Variants in CLCA1 observed in about 807,000 individuals in gnomAD.
CLCA1 encodes the protein chloride channel accessory 1.
Under a neutral mutation model 85.6 loss-of-function variants are expected in CLCA1, and 59 were observed. The ratio of observed to expected loss-of-function variants is 0.69; its 90% CI spans 0.56 to 0.86. The LOEUF is 0.86. CLCA1 is among the 40% of genes least tolerant of loss of function. CLCA1 has a pLI of 0.00. For synonymous variants in CLCA1, 396 were observed against 398.3 expected (o/e 0.99, Z 0.07); for missense variants, 1,022 against 1,101.4 (o/e 0.93, Z 1.02).
chr1:86,493,295 T>TG (rs1279998689), intron 9 of CLCA1, 89 bp from the exon 10 acceptor site: 2 of 970,130 alleles, frequency 2.1e-6, no homozygotes, highest in Non-Finnish European at 3.2e-6. Context: ...GTCTTTTTAA[T>TG]GGCGCACTGG....
Position 86,482,299 on chromosome 1 carries a change from C to G in CLCA1, c.652C>G (p.Leu218Val). 1.9e-6 allele frequency: 3 copies of G among 1,613,934 alleles called. No homozygotes were observed. Among genetic ancestry groups the G allele is most frequent in the Non-Finnish European group, 2.5e-6 (3 of 1,179,818 alleles). Residue 218 changes from leucine to valine, a missense_variant, in exon 5 of 14, where the codon CTC (leucine) becomes GTC (valine). Coordinates refer to ENST00000394711, the MANE Select transcript of CLCA1 (RefSeq NM_001285.4). The part of the protein sequence containing the change: ...KRCTFNKVTG[L>V]YEKGCEFVLQ... ...ATGCACATTCAATAAAGTAACAGGA[C>G]TCTATGAAAAAGGATGTGAGTTTGT...
chr1:86,481,066 G>A (rs1161003739), intron 4 of CLCA1, among the ~76,000 whole-genome samples: 2 of 152,088 alleles, frequency 1.3e-5, no homozygotes, highest in Non-Finnish European at 2.9e-5. Context: ...GGGAAACTAA[G>A]TTCAACAAGT....
chr1:86,476,344 T>G (rs1647634234), intron 3 of CLCA1, 104 bp from the exon 4 acceptor site: 1 of 597,640 alleles, frequency 1.7e-6, no homozygotes, highest in East Asian at 2.8e-5. Flanking sequence ...TTTAAAAAAT[T>G]AACACAGCAA....
At chr1:86,481,038 G>A (rs1647802834) in intron 4 of CLCA1, among the ~76,000 whole-genome samples, 1 of 152,124 alleles carries the variant, frequency 6.6e-6, no homozygotes, top group Non-Finnish European at 1.5e-5. Flanking sequence ...TTTTATTTTA[G>A]TACTGACAAA....
intron 4 of CLCA1, among the ~76,000 whole-genome samples, chr1:86,481,803 A>G (rs1647829796): frequency 6.6e-6 from 1 of 152,204 alleles, no homozygotes; most frequent in Non-Finnish European, 1.5e-5. Flanking sequence ...TACAAAAACC[A>G]TGTGAAATAA....
intron 12 of CLCA1, among the ~76,000 whole-genome samples, chr1:86,497,591 C>T (rs1346872253): frequency 6.6e-6 from 1 of 152,048 alleles, no homozygotes; most frequent in African/African-American, 2.4e-5. Flanking sequence ...ACTAGATTCC[C>T]ATGCATTCAC....
At chr1:86,490,854 C>T (rs1253514168) in intron 8 of CLCA1, among the ~76,000 whole-genome samples, 1 of 148,788 alleles carries the variant, frequency 6.7e-6, no homozygotes, top group African/African-American at 2.5e-5. Context: ...TTGATTGAGC[C>T]CAGGAGTTCA....
rs190533713 is a variant in CLCA1, at chr1:86,495,683, A to G, written c.2113+8A>G. On this transcript the variant is annotated splice_region_variant and intron_variant, in intron 12 of 13. Coordinates refer to ENST00000394711, the MANE Select transcript of CLCA1 (RefSeq NM_001285.4). Reference sequence around the variant, plus strand: ...CTGGCTGGATTGAGAATGGTAAGTAATTTGTAATAACATACCTGGCTTGTG... The same window carrying G: ...CTGGCTGGATTGAGAATGGTAAGTAGTTTGTAATAACATACCTGGCTTGTG... 3.1e-3 allele frequency: 5,016 copies of G among 1,602,294 alleles called. 21 individuals are homozygous for G. Among genetic ancestry groups the G allele is most frequent in the Admixed American group, 0.018 (1,085 of 58,820 alleles).
intron 7 of CLCA1, among the ~76,000 whole-genome samples, chr1:86,488,174 G>A (rs964235547): frequency 2.0e-5 from 3 of 152,178 alleles, no homozygotes; most frequent in African/African-American, 7.2e-5. Context: ...CTTCTTATCT[G>A]AGATTCTAGG....
At chr1:86,485,796 T>C (rs1002474808) in intron 6 of CLCA1, among the ~76,000 whole-genome samples, 2 of 152,224 alleles carry the variant, frequency 1.3e-5, no homozygotes, top group African/African-American at 4.8e-5. Context: ...ATGAATTATA[T>C]GAGCTTAACA....
rs1648064145 is a variant in CLCA1 at position 86,488,995 on chromosome 1, G to A, written c.1183-1G>A. 2 of 1,613,456 alleles carry A rather than the reference G, an allele frequency of 1.2e-6. No homozygotes were observed. Among genetic ancestry groups the A allele is most frequent in the Non-Finnish European group, 1.7e-6 (2 of 1,179,520 alleles). On this transcript the variant is annotated splice_acceptor_variant, in intron 7 of 13. Coordinates refer to ENST00000394711, the MANE Select transcript of CLCA1 (RefSeq NM_001285.4). LOFTEE classifies it high-confidence loss of function. ...ACTCGTGCCCTAAATTCTGTCCTTAGGTGATTAGGAAGAAATATCCAACTG... is the reference window on the plus strand; with the variant it reads ...ACTCGTGCCCTAAATTCTGTCCTTAAGTGATTAGGAAGAAATATCCAACTG...
Position 86,499,751 on chromosome 1 carries a change from G to A in CLCA1, c.2451G>A (p.Lys817=). The change falls in exon 14 of 14, where the codon AAG becomes AAA. Residue 817 remains lysine (K), a synonymous_variant. Transcript: ENST00000394711. ...LQVNTTALIP[K]EANSEEVFLF... ...TGAATACTACTGCTCTCATCCCAAA[G>A]GAAGCCAACTCTGAGGAAGTCTTTT... 3 of 1,613,400 alleles carry A rather than the reference G, an allele frequency of 1.9e-6. No individual in the cohort carries two copies. The highest frequency in any genetic ancestry group is 2.5e-6 in the Non-Finnish European group (3 of 1,179,376).
intron 4 of CLCA1, among the ~76,000 whole-genome samples, chr1:86,480,063 A>G (rs5744343): frequency 1.3e-5 from 2 of 152,198 alleles, no homozygotes; most frequent in African/African-American, 4.8e-5. Flanking sequence ...GGACTCTTTA[A>G]AGATAAAAAG....
chr1:86,471,103 A>G, intron 1 of CLCA1, among the ~76,000 whole-genome samples: 1 of 152,122 alleles, frequency 6.6e-6, no homozygotes, highest in East Asian at 1.9e-4. Flanking sequence ...GCTCGTGTGC[A>G]CACACACACG....
rs201493645 is a variant in CLCA1 at position 86,468,993 on chromosome 1, G to C, written c.22G>C (p.Val8Leu). Residue 8 changes from valine (V) to leucine (L), a missense_variant, in exon 1 of 14, where the codon GTG (valine) becomes CTG (leucine). Coordinates refer to ENST00000394711, the MANE Select transcript of CLCA1 (RefSeq NM_001285.4). ...AGCAATGGGGCCATTTAAGAGTTCT[G>C]TGTTCATCTTGATTCTTCACCTTCT... MGPFKSS[V>L]FILILHLLEG... 4.2e-5 allele frequency: 68 copies of C among 1,611,562 alleles called. No homozygotes were observed. The East Asian group carries it at 1.3e-3, about 32-fold the overall frequency.
chr1:86,484,975 G>A (rs1484207649), intron 5 of CLCA1, among the ~76,000 whole-genome samples: 1 of 152,168 alleles, frequency 6.6e-6, no homozygotes, highest in Non-Finnish European at 1.5e-5. Context: ...GTAAATGAGT[G>A]AGAAGTAAGG....
intron 1 of CLCA1, among the ~76,000 whole-genome samples, chr1:86,469,990 G>A (rs975376203): frequency 6.6e-5 from 10 of 152,262 alleles, no homozygotes; most frequent in African/African-American, 2.2e-4. Flanking sequence ...CATGTCTTCT[G>A]TTCATCTAAA....
chr1:86,480,595 C>G (rs1279395081), intron 4 of CLCA1, among the ~76,000 whole-genome samples: 1 of 152,002 alleles, frequency 6.6e-6, no homozygotes, highest in Non-Finnish European at 1.5e-5. Flanking sequence ...CCACTGCATT[C>G]TAGCCTGGGC....
intron 5 of CLCA1, among the ~76,000 whole-genome samples, chr1:86,484,511 T>G (rs1287075860): frequency 6.6e-6 from 1 of 152,064 alleles, no homozygotes; most frequent in Non-Finnish European, 1.5e-5. Context: ...CATTGGTATA[T>G]GAAGAGTGGA....
Sources: allele counts gnomAD v4.1 joint callset (sites outside exome capture counted in the v4.1 genomes callset), GRCh38; gene constraint gnomAD v4.1.1; transcripts MANE v1.5; gene names NCBI Gene and HGNC (gene_info 2026-07-23, HGNC 2026-07-21).